ADCK1: variants seen among roughly 807,000 people sequenced by gnomAD.
The protein encoded by ADCK1 is aarF domain containing kinase 1, also known as aarF domain-containing protein kinase 1.
ADCK1 carries 41 observed loss-of-function variants against 52.3 expected under a neutral mutation model. The observed-to-expected ratio is 0.78, with a 90% CI of 0.61 to 1.02. The LOEUF (loss-of-function observed/expected upper bound fraction) is 1.02. ADCK1 is among the 50% of genes least tolerant of loss of function. The pLI, the probability that ADCK1 is intolerant of heterozygous loss-of-function variation, is 0.00. For synonymous variants in ADCK1, 250 were observed against 274.6 expected (o/e 0.91, Z 0.89); for missense variants, 658 against 679.5 (o/e 0.97, Z 0.35).
intron 6 of ADCK1, among the ~76,000 whole-genome samples, chr14:77,904,456 T>A (rs2083613582): frequency 6.6e-6 from 1 of 152,260 alleles, no homozygotes; most frequent in Admixed American, 6.5e-5. Flanking sequence ...CCAGGCCTTC[T>A]GCTGTGCTGG....
chr14:77,885,714 G>A (rs1034515657), intron 4 of ADCK1, among the ~76,000 whole-genome samples: 7 of 152,286 alleles, frequency 4.6e-5, no homozygotes, highest in African/African-American at 1.7e-4. Flanking sequence ...AAGCATGAGG[G>A]CCTAGGAGGG....
intron 7 of ADCK1, among the ~76,000 whole-genome samples, chr14:77,918,187 G>T (rs566530598): frequency 6.6e-6 from 1 of 152,252 alleles, no homozygotes; most frequent in Admixed American, 6.5e-5. Flanking sequence ...AAGAAGAGAC[G>T]GTGAGTGAAA....
chr14:77,893,077 G>A (rs1018066392), intron 5 of ADCK1, among the ~76,000 whole-genome samples: 8 of 152,184 alleles, frequency 5.3e-5, no homozygotes, highest in Non-Finnish European at 8.8e-5. Context: ...GCAGAGCCAG[G>A]GATGTTTTTT....
At chr14:77,856,071 G>A (rs769292247) in intron 3 of ADCK1, among the ~76,000 whole-genome samples, 2 of 151,956 alleles carry the variant, frequency 1.3e-5, no homozygotes, top group Admixed American at 6.6e-5. Flanking sequence ...TTAGCTAGGC[G>A]TGGTCGCGGG....
intron 4 of ADCK1, among the ~76,000 whole-genome samples, chr14:77,880,995 C>T (rs887001198): frequency 2.6e-5 from 4 of 152,188 alleles, no homozygotes; most frequent in African/African-American, 7.2e-5. Context: ...GTTGAGATTC[C>T]AAGGCACCAT....
rs1335019062 is a variant in ADCK1, at chr14:77,924,592, C to T, written c.994C>T (p.His332Tyr). The change falls in exon 8 of 11, where the codon CAT becomes TAT. Residue 332 changes from histidine (H) to tyrosine (Y), a missense_variant. Coordinates refer to ENST00000238561, the MANE Select transcript of ADCK1 (RefSeq NM_020421.4). ...AAAGGCGGAGATTGTCCTGTTGGAC[C>T]ATGGGCTTTACCAGGTAGAAGAGGC... ...TGKAEIVLLD[H>Y]GLYQMLTEEF... 1 of 1,613,354 alleles carries T rather than the reference C, an allele frequency of 6.2e-7. No individual in the cohort carries two copies. The highest frequency in any genetic ancestry group is 1.1e-5 in the South Asian group (1 of 91,086).
At chr14:77,924,330 C>T (rs983564150) in intron 7 of ADCK1, 127 bp from the exon 8 acceptor site, 3 of 1,265,268 alleles carry the variant, frequency 2.4e-6, no homozygotes, top group Non-Finnish European at 3.2e-6. Context: ...ACTCCCACCA[C>T]AACCGCTCCG....
intron 1 of ADCK1, among the ~76,000 whole-genome samples, chr14:77,814,934 T>C (rs1050803765): frequency 2.0e-5 from 3 of 151,310 alleles, no homozygotes; most frequent in African/African-American, 7.3e-5. Context: ...TCGCCCAGGC[T>C]GGAGTGCAGT....
intron 4 of ADCK1, 116 bp downstream of exon 4, chr14:77,859,395 A>C: frequency 3.9e-6 from 4 of 1,017,142 alleles, no homozygotes; most frequent in Non-Finnish European, 4.2e-6. Context: ...ACAAAACCAA[A>C]TGTCACAGCC....
At chr14:77,809,436 TCTCTTGCCTCAGC>T (rs1350558855) in intron 1 of ADCK1, among the ~76,000 whole-genome samples, 1 of 152,070 alleles carries the variant, frequency 6.6e-6, no homozygotes, top group Non-Finnish European at 1.5e-5. Context: ...TTCAAGCGAT[TCTCTTGCCTCAGC>T]CTCTTGAGTA....
chr14:77,898,599 C>G (rs559326856), intron 5 of ADCK1, among the ~76,000 whole-genome samples: 11 of 151,848 alleles, frequency 7.2e-5, no homozygotes, highest in Non-Finnish European at 1.3e-4. Flanking sequence ...AATGAGAACA[C>G]ATGGACACAG....
At chr14:77,889,724 A>C (rs1360042018) in intron 5 of ADCK1, among the ~76,000 whole-genome samples, 2 of 152,218 alleles carry the variant, frequency 1.3e-5, no homozygotes, top group Non-Finnish European at 2.9e-5. Flanking sequence ...TCAATGCAGC[A>C]ACCAAATAGG....
chr14:77,872,470 A>G (rs760216690), intron 4 of ADCK1, among the ~76,000 whole-genome samples: 4 of 152,034 alleles, frequency 2.6e-5, no homozygotes, highest in Non-Finnish European at 4.4e-5. Context: ...AGCCAATCAT[A>G]AGGTGGCTGA....
intron 4 of ADCK1, among the ~76,000 whole-genome samples, chr14:77,860,034 A>G (rs935581356): frequency 1.3e-5 from 2 of 152,138 alleles, no homozygotes; most frequent in African/African-American, 2.4e-5. Flanking sequence ...CCATCTGCCT[A>G]TCTGTCCACC....
chr14:77,869,321 G>C (rs963576680), intron 4 of ADCK1, among the ~76,000 whole-genome samples: 24 of 152,118 alleles, frequency 1.6e-4, no homozygotes, highest in Admixed American at 1.6e-3. Flanking sequence ...CCTAGCTTCT[G>C]GGGGGTTTGC....
At chr14:77,855,831 T>C (rs1442192483) in intron 3 of ADCK1, among the ~76,000 whole-genome samples, 2 of 152,324 alleles carry the variant, frequency 1.3e-5, no homozygotes, top group Admixed American at 6.5e-5. Context: ...AGCTGGACTT[T>C]CCATTTTCAG....
rs371155596 is a variant in ADCK1, at chr14:77,813,521, G to A, written c.-11-5447G>A. Among the ~76,000 whole-genome samples, 4 of 152,268 alleles carry A rather than the reference G, an allele frequency of 2.6e-5. No individual in the cohort carries two copies. The South Asian group carries it at 8.3e-4, about 32-fold the overall frequency. On this transcript the variant is annotated intron_variant, in intron 1 of 10. Transcript: ENST00000238561. Reference sequence around the variant, plus strand: ...AGATGGGGTTTCACCATGTTGGCCAGGCTGGTCTCAAACTCCTGACCTTGT... The same window carrying A: ...AGATGGGGTTTCACCATGTTGGCCAAGCTGGTCTCAAACTCCTGACCTTGT...
intron 3 of ADCK1, among the ~76,000 whole-genome samples, chr14:77,826,623 G>A (rs1243452466): frequency 6.6e-6 from 1 of 152,110 alleles, no homozygotes; most frequent in Non-Finnish European, 1.5e-5. Flanking sequence ...GCATACAGAA[G>A]TCATTGCTGG....
intron 6 of ADCK1, among the ~76,000 whole-genome samples, chr14:77,905,919 T>C (rs576269004): frequency 3.6e-4 from 55 of 152,288 alleles, no homozygotes; most frequent in African/African-American, 9.9e-4. Flanking sequence ...AAAGTATCAG[T>C]TTCACAGATT....
Sources: allele counts gnomAD v4.1 joint callset (sites outside exome capture counted in the v4.1 genomes callset), GRCh38; gene constraint gnomAD v4.1.1; transcripts MANE v1.5; gene names NCBI Gene and HGNC (gene_info 2026-07-23, HGNC 2026-07-21).